Variants in NCOR2 observed in about 807,000 individuals in gnomAD.
NCOR2 encodes the protein nuclear receptor corepressor 2.
Under a neutral mutation model 262.9 loss-of-function variants are expected in NCOR2, and 81 were observed. That is an observed-to-expected ratio of 0.31 (90% CI 0.26 to 0.37). The LOEUF (loss-of-function observed/expected upper bound fraction) is 0.37, where lower values mean the gene tolerates loss of function less well. Among genes scored for constraint, NCOR2 ranks in the 10% least tolerant of loss-of-function variants. NCOR2 has a pLI of 1.00. For synonymous variants in NCOR2, 1,659 were observed against 1,559.3 expected (o/e 1.06, Z -1.51); for missense variants, 3,385 against 3,621.4 (o/e 0.93, Z 1.68).
At chr12:124,340,096 T>G in exon 37 of NCOR2, 1 of 1,612,880 alleles carries the variant, frequency 6.2e-7, no homozygotes, top group Non-Finnish European at 8.5e-7. Context: ...CTGGAGGGCA[T>G]CCTGGGTCCG....
chr12:124,405,543 G>T (rs576163973), intron 13 of NCOR2, among the ~76,000 whole-genome samples: 1 of 152,352 alleles, frequency 6.6e-6, no homozygotes, highest in African/African-American at 2.4e-5. Context: ...AGTCCGGTGG[G>T]GGAAGATGAA....
At chr12:124,558,655 G>A (rs895565057) in intron 1 of NCOR2, among the ~76,000 whole-genome samples, 4 of 152,172 alleles carry the variant, frequency 2.6e-5, no homozygotes, top group African/African-American at 9.7e-5. Flanking sequence ...GGTGGGATCC[G>A]AGGTCCCTTT....
upstream of NCOR2, chr12:124,538,477 A>G: frequency 6.5e-6 from 1 of 152,936 alleles, no homozygotes. Context: ...GGGGGAGAGG[A>G]AGAGAGAGGA....
chr12:124,517,462 G>A lies in NCOR2; in HGVS notation c.-118+18103C>T, dbSNP rs770857326. 5.2e-4 allele frequency among the ~76,000 whole-genome samples: 79 copies of A among 152,316 alleles called. No homozygotes were observed. Among genetic ancestry groups the A allele is most frequent in the Admixed American group, 3.6e-3 (55 of 15,312 alleles). On this transcript the variant is annotated intron_variant, in intron 1 of 46. Coordinates refer to the NCOR2 transcript ENST00000404621. This position sits in a 1 kb window ranked among gnomAD's most constrained non-coding sequence, Gnocchi z 7.6. The stretch of plus-strand genomic sequence containing the variant: ...CCAAGTCCCTGGGCAAGCCTGGGCC[G>A]GTGGCGCTGATTTCAAACCAGACAT...
At chr12:124,384,229 G>A (rs779138547) in intron 17 of NCOR2, among the ~76,000 whole-genome samples, 2 of 152,196 alleles carry the variant, frequency 1.3e-5, no homozygotes, top group Non-Finnish European at 1.5e-5. Context: ...CCCCTTCTGC[G>A]CCCCCAGGCT....
At chr12:124,430,982 AC>A (rs1427735727) in intron 8 of NCOR2, among the ~76,000 whole-genome samples, 195 bp from the exon 11 acceptor site, 1 of 152,052 alleles carries the variant, frequency 6.6e-6, no homozygotes, top group African/African-American at 2.4e-5. Context: ...TCAGATACAC[AC>A]AGGCACACAA....
At chr12:124,335,632 C>T in exon 39 of NCOR2, 1 of 1,596,868 alleles carries the variant, frequency 6.3e-7, no homozygotes, top group Non-Finnish European at 8.5e-7. Flanking sequence ...GCCGTGGTAA[C>T]CTAGGGCAGG....
At position 124,434,774 on chromosome 12, in the gene NCOR2, G is replaced by C. The variant is rs76964304; in HGVS notation, c.882+3156C>G. On this transcript the variant is annotated intron_variant, in intron 8 of 46. Coordinates refer to ENST00000405201, the Ensembl canonical transcript of NCOR2. ...GAGACAGAGGGGGAGTATTTATTAG[G>C]GGTGAAGGTCGGCACCTCTGCACCT... Among the ~76,000 whole-genome samples, 476 of 152,244 alleles carry C rather than the reference G, an allele frequency of 3.1e-3. 6 individuals are homozygous for C. The East Asian group carries it at 0.04, about 13-fold the overall frequency.
intron 1 of NCOR2, among the ~76,000 whole-genome samples, chr12:124,500,722 G>C (rs918516133): frequency 1.3e-5 from 2 of 151,864 alleles, no homozygotes; most frequent in African/African-American, 2.4e-5. Context: ...TTCCTCTCCA[G>C]CTCCGGCAGG....
chr12:124,365,054 G>T (rs1354084597), intron 20 of NCOR2, among the ~76,000 whole-genome samples: 1 of 150,516 alleles, frequency 6.6e-6, no homozygotes, highest in Non-Finnish European at 1.5e-5. Context: ...TGCAGGTATG[G>T]AGATGGCCCG....
chr12:124,384,396 G>T (rs1367711777), intron 17 of NCOR2, among the ~76,000 whole-genome samples: 1 of 152,236 alleles, frequency 6.6e-6, no homozygotes, highest in Non-Finnish European at 1.5e-5. Flanking sequence ...TGAGCTCTGG[G>T]GACAAATCCC....
intron 11 of NCOR2, among the ~76,000 whole-genome samples, chr12:124,425,366 T>C (rs917819694): frequency 9.9e-5 from 15 of 151,824 alleles, no homozygotes; most frequent in Admixed American, 8.5e-4. Flanking sequence ...AGAACGAAAC[T>C]CTGTCTTGAA....
chr12:124,418,733 G>A (rs114708371), intron 13 of NCOR2, among the ~76,000 whole-genome samples: 1,596 of 152,284 alleles, frequency 0.01, 24 homozygotes, highest in African/African-American at 0.036. Flanking sequence ...TAGGCCACAC[G>A]TCTGGCTTGG....
chr12:124,341,838 C>A, exon 34 of NCOR2: 2 of 1,605,260 alleles, frequency 1.2e-6, no homozygotes, highest in East Asian at 4.5e-5. Flanking sequence ...GGACCCGCAG[C>A]GTAGTTGAGT....
At position 124,482,923 on chromosome 12, in the gene NCOR2, G is replaced by A. The variant is rs1225894625; in HGVS notation, c.411+673C>T. Among the ~76,000 whole-genome samples the A allele has an allele frequency of 6.6e-6, 1 of 152,114 alleles. No homozygotes were observed. The highest frequency in any genetic ancestry group is 1.5e-5 in the Non-Finnish European group (1 of 67,988). Reference sequence around the variant, plus strand: ...TAGAAGGCGGCTTTGTCATTCTAGGGGTCCAGGCCATGTCCTAACCAAGCA... The same window carrying A: ...TAGAAGGCGGCTTTGTCATTCTAGGAGTCCAGGCCATGTCCTAACCAAGCA... On this transcript the variant is annotated intron_variant, in intron 3 of 46. Transcript: ENST00000405201. The surrounding 1 kb of genome is among the most constrained non-coding windows in gnomAD (Gnocchi z 6.3).
At chr12:124,547,164 T>C (rs1027220399) in intron 1 of NCOR2, among the ~76,000 whole-genome samples, 18 of 151,980 alleles carry the variant, frequency 1.2e-4, no homozygotes, top group Admixed American at 1.3e-4. Flanking sequence ...TACATTTTGT[T>C]GTATTTTTAG....
At chr12:124,567,455 G>T (rs1460502580) in exon 1 of NCOR2, 8 of 149,510 alleles carry the variant, frequency 5.4e-5, no homozygotes, top group Non-Finnish European at 1.2e-4. Context: ...CCGCCTCCTA[G>T]GGCGCCGGCC....
chr12:124,368,498 C>T (rs1168350134), intron 20 of NCOR2, among the ~76,000 whole-genome samples: 4 of 152,274 alleles, frequency 2.6e-5, no homozygotes, highest in East Asian at 1.9e-4. Context: ...AACCCTGACC[C>T]GTCACTTCCA....
chr12:124,374,019 G>C (rs1262010559), intron 19 of NCOR2, among the ~76,000 whole-genome samples: 2 of 152,190 alleles, frequency 1.3e-5, no homozygotes, highest in Admixed American at 6.5e-5. Context: ...GGATGGCAAG[G>C]AGAGCCCAGC....
Sources: allele counts gnomAD v4.1 joint callset (sites outside exome capture counted in the v4.1 genomes callset), GRCh38; gene constraint gnomAD v4.1.1; non-coding constraint Gnocchi (gnomAD v3.1); transcripts MANE v1.5; gene names NCBI Gene and HGNC (gene_info 2026-07-23, HGNC 2026-07-21).